The following TRIP12 variants were observed in gnomAD, a reference collection of about 807,000 sequenced individuals.
TRIP12 encodes the protein thyroid hormone receptor interactor 12, also known as E3 ubiquitin-protein ligase TRIP12.
In TRIP12, 25 loss-of-function variants were observed where a neutral mutation model predicts 244.2. The ratio of observed to expected loss-of-function variants is 0.10; its 90% CI spans 0.07 to 0.14. The LOEUF is 0.14. Ranked by LOEUF, TRIP12 falls within the 10% of genes least tolerant of loss-of-function variation. The pLI is 1.00. For synonymous variants in TRIP12, 905 were observed against 873.1 expected, an observed-to-expected ratio of 1.04 and a Z score of -0.64; for missense variants, 1,677 against 2,486.4, an observed-to-expected ratio of 0.67 and a Z score of 6.92.
chr2:229,807,874 A>C lies in TRIP12; in HGVS notation c.2340-10T>G. ...ACATGGCATAAGTTCACTGAAAACA[A>C]AAAGTACAATAATTTTAGTAACTTT... On this transcript the variant is annotated splice_polypyrimidine_tract_variant and intron_variant, in intron 16 of 41. Transcript: ENST00000675903. 1 of 1,609,464 alleles carries C rather than the reference A, an allele frequency of 6.2e-7. No individual in the cohort carries two copies. Among genetic ancestry groups the C allele is most frequent in the Non-Finnish European group, 8.5e-7 (1 of 1,177,022 alleles).
chr2:229,804,155 G>A lies in TRIP12; in HGVS notation c.2723C>T (p.Ser908Phe), dbSNP rs758457800. 1 of 1,614,004 alleles carries A rather than the reference G, an allele frequency of 6.2e-7. No individual in the cohort carries two copies. The highest frequency in any genetic ancestry group is 2.2e-5 in the East Asian group (1 of 44,860). The change falls in exon 19 of 42, where the codon TCT (serine) becomes TTT (phenylalanine). Residue 908 changes from serine to phenylalanine, a missense_variant. By Grantham distance (155) the Ser-to-Phe change is radical. Around this residue, in one of 11 missense-constraint regions of TRIP12, gnomAD observed 572 missense variants for 867.8 expected, o/e 0.66. Transcript: ENST00000675903. ...LMKEDPELAK[S>F]FIKTLFGVLY... is the part of the protein sequence containing the mutation. Reference sequence around the variant, plus strand: ...AACACCAAATAATGTCTTAATAAAAGACTTAGCCAGTTCCGGATCCTCTTT... The same window carrying A: ...AACACCAAATAATGTCTTAATAAAAAACTTAGCCAGTTCCGGATCCTCTTT...
intron 34 of TRIP12, 133 bp downstream of exon 34, chr2:229,785,624 C>A (rs183511765): frequency 3.7e-6 from 3 of 804,652 alleles, no homozygotes; most frequent in Non-Finnish European, 5.6e-6. Context: ...GAACTTAGAA[C>A]AAATCATTCA....
rs138434552 is a variant in TRIP12, at chr2:229,829,696, C to T, written c.1355-408G>A. ...AGGCATAGTGGCTCACACCTGTAAT[C>T]CCAGCACTTTGGGAGGCCGAGACGG... On this transcript the variant is annotated intron_variant, in intron 7 of 41. Coordinates refer to ENST00000675903, the MANE Select transcript of TRIP12 (RefSeq NM_001348323.3). 5.5e-3 allele frequency among the ~76,000 whole-genome samples: 842 copies of T among 152,242 alleles called. 4 individuals are homozygous for T. Among genetic ancestry groups the T allele is most frequent in the Middle Eastern group, 0.014 (4 of 294 alleles).
chr2:229,911,133 T>C (rs1329083904), intron 1 of TRIP12, among the ~76,000 whole-genome samples: 1 of 152,232 alleles, frequency 6.6e-6, no homozygotes. Flanking sequence ...ACTCTTGTGC[T>C]ACAGCAGTAA....
intron 1 of TRIP12, among the ~76,000 whole-genome samples, chr2:229,909,666 C>A (rs2073871957): frequency 1.3e-5 from 2 of 150,258 alleles, no homozygotes. Context: ...CCAGCCTGGG[C>A]AACCAAGATT....
At chr2:229,880,848 G>A (rs952833396) in intron 1 of TRIP12, among the ~76,000 whole-genome samples, 5 of 152,282 alleles carry the variant, frequency 3.3e-5, no homozygotes, top group African/African-American at 9.6e-5. Flanking sequence ...GGAGGCTGAG[G>A]CAGGAGAATC....
At chr2:229,886,228 T>A (rs995335105) in intron 1 of TRIP12, among the ~76,000 whole-genome samples, 1 of 152,186 alleles carries the variant, frequency 6.6e-6, no homozygotes, top group Non-Finnish European at 1.5e-5. Flanking sequence ...AATAGCTGTA[T>A]CTGATATAGA....
intron 5 of TRIP12, 88 bp from the exon 6 acceptor site, chr2:229,837,072 C>G (rs2055017460): frequency 1.5e-6 from 2 of 1,310,690 alleles, no homozygotes; most frequent in African/African-American, 3.0e-5. Context: ...TCATGGAGCA[C>G]AAAGCCAGTT....
intron 21 of TRIP12, among the ~76,000 whole-genome samples, chr2:229,801,726 G>T (rs2044400516): frequency 6.6e-6 from 1 of 152,166 alleles, no homozygotes; most frequent in South Asian, 2.1e-4. Context: ...TGGGAGTAGA[G>T]AATTTAAGAA....
chr2:229,914,580 C>T (rs1465535953), intron 1 of TRIP12, among the ~76,000 whole-genome samples: 1 of 152,166 alleles, frequency 6.6e-6, no homozygotes, highest in Admixed American at 6.5e-5. Context: ...CTTTAGGTTT[C>T]CAGGGCATCG....
At chr2:229,837,118 A>G in intron 5 of TRIP12, 134 bp from the exon 6 acceptor site, 2 of 928,632 alleles carry the variant, frequency 2.2e-6, no homozygotes, top group Non-Finnish European at 2.9e-6. Context: ...AAGTAAGTGC[A>G]CAAAATCACC....
At chr2:229,865,261 T>G (rs2061303918) in intron 2 of TRIP12, among the ~76,000 whole-genome samples, 1 of 142,430 alleles carries the variant, frequency 7.0e-6, no homozygotes, top group Admixed American at 7.7e-5. Flanking sequence ...TGCAGTGAGC[T>G]ATGGTTGCAC....
chr2:229,803,803 C>T, intron 19 of TRIP12, 114 bp from the exon 20 acceptor site: 1 of 909,610 alleles, frequency 1.1e-6, no homozygotes, highest in African/African-American at 1.7e-5. Flanking sequence ...ATTCTATTAA[C>T]ATAAACATTT....
In TRIP12 at chr2:229,789,654, C is replaced by G; in HGVS notation, c.4652G>C (p.Arg1551Thr). 1 of 1,613,998 alleles carries G rather than the reference C, an allele frequency of 6.2e-7. No homozygotes were observed. Among genetic ancestry groups the G allele is most frequent in the Non-Finnish European group, 8.5e-7 (1 of 1,179,966 alleles). ...DPSLDVILLL[R>T]VLHAISRYWY... ...GTATCGACTGATAGCATGTAAAACT[C>G]TTAAAAGAAGGATCACATCTAATGA... is the stretch of plus-strand genomic sequence containing the variant. The change falls in exon 31 of 42, where the codon AGA becomes ACA. Residue 1551 changes from arginine to threonine, a missense_variant. This residue lies in a region of TRIP12 where 265 missense variants were observed against 370.8 expected (regional missense o/e 0.71). Coordinates refer to ENST00000675903, the MANE Select transcript of TRIP12 (RefSeq NM_001348323.3).
intron 4 of TRIP12, among the ~76,000 whole-genome samples, chr2:229,853,319 C>T (rs966695486): frequency 8.2e-4 from 125 of 152,268 alleles, no homozygotes; most frequent in African/African-American, 3.0e-3. Flanking sequence ...AAGCCCATCT[C>T]TCAACTTTCA....
chr2:229,873,593 AAC>A (rs1167568974), intron 2 of TRIP12, among the ~76,000 whole-genome samples: 1 of 152,176 alleles, frequency 6.6e-6, no homozygotes, highest in Non-Finnish European at 1.5e-5. Flanking sequence ...AAAAAAAGTT[AAC>A]ACAGACTTTT....
At chr2:229,796,886 TAA>T (rs1403227699) in intron 24 of TRIP12, 104 bp from the exon 25 acceptor site, 5 of 1,041,552 alleles carry the variant, frequency 4.8e-6, no homozygotes, top group African/African-American at 3.3e-5. Flanking sequence ...TCAACGCCCT[TAA>T]AAAAGAGGGC....
chr2:229,770,510 A>G (rs1259740943), intron 39 of TRIP12, among the ~76,000 whole-genome samples: 2 of 152,222 alleles, frequency 1.3e-5, no homozygotes, highest in East Asian at 3.8e-4. Context: ...GTGAACATAC[A>G]CTCTAAAACT....
At chr2:229,899,701 T>C (rs1322283916) in intron 1 of TRIP12, among the ~76,000 whole-genome samples, 2 of 152,172 alleles carry the variant, frequency 1.3e-5, no homozygotes, top group Non-Finnish European at 2.9e-5. Context: ...AGAGCTGGTA[T>C]ATAAGAACTC....
Sources: gnomAD v4.1 joint callset for allele counts (sites outside exome capture counted in the v4.1 genomes callset) on GRCh38, gnomAD v4.1.1 for gene constraint, gnomAD v4.1.1 regional missense constraint, MANE v1.5 for transcripts, NCBI Gene and HGNC (gene_info 2026-07-23, HGNC 2026-07-21) for gene names.